AMZ1: variants seen among roughly 807,000 people sequenced by gnomAD.
AMZ1 encodes the protein archaelysin family metallopeptidase 1.
A neutral mutation model predicts 29.9 loss-of-function variants in AMZ1; 39 were observed. The ratio of observed to expected loss-of-function variants is 1.30; its 90% confidence interval spans 1.01 to 1.70. The LOEUF (loss-of-function observed/expected upper bound fraction) is 1.70. AMZ1 is among the 40% of genes most tolerant of loss of function. The pLI is 0.00. For synonymous variants in AMZ1, 458 were observed against 304.0 expected (o/e 1.51, Z -5.27); for missense variants, 1,041 against 680.6 (o/e 1.53, Z -5.89).
At position 2,736,849 on chromosome 7, in the gene AMZ1, C is replaced by G. The variant is rs573627105; in HGVS notation, n.550+27033C>G. 2.6e-5 allele frequency among the ~76,000 whole-genome samples: 4 copies of G among 152,376 alleles called. No homozygotes were observed. The South Asian group carries it at 8.3e-4, about 32-fold the overall frequency. On this transcript the variant is annotated intron_variant and non_coding_transcript_variant, in intron 4 of 4. Transcript: ENST00000489665. ...ACACAGCAAGCTGCCCCTTCACAGA[C>G]CCCTGCTGGCCTCACGCACTTCCTT...
At chr7:2,750,250 G>C (rs890559078) in intron 4 of AMZ1, among the ~76,000 whole-genome samples, 1 of 152,208 alleles carries the variant, frequency 6.6e-6, no homozygotes, top group Admixed American at 6.5e-5. Flanking sequence ...AGACCCATCA[G>C]AGAGCTGAGA....
At chr7:2,738,283 T>TA (rs34320599) in intron 4 of AMZ1, among the ~76,000 whole-genome samples, 1,780 of 142,842 alleles carry the variant, frequency 0.012, 37 homozygotes, top group African/African-American at 0.042. Context: ...AGGCTCCATC[T>TA]AAAAAAAAAA....
At chr7:2,749,142 C>A (rs1208638399) in intron 4 of AMZ1, among the ~76,000 whole-genome samples, 6 of 152,002 alleles carry the variant, frequency 3.9e-5, no homozygotes, top group African/African-American at 1.4e-4. Flanking sequence ...ACCATTGGAC[C>A]CAGCCATCCC....
intron 3 of AMZ1, among the ~76,000 whole-genome samples, chr7:2,705,488 G>A (rs1010682346): frequency 6.6e-6 from 1 of 152,144 alleles, no homozygotes; most frequent in Non-Finnish European, 1.5e-5. Context: ...CATATAGAGG[G>A]CGGCTCTCTA....
At chr7:2,724,750 A>C (rs898237578) in intron 4 of AMZ1, among the ~76,000 whole-genome samples, 11 of 152,214 alleles carry the variant, frequency 7.2e-5, no homozygotes, top group African/African-American at 2.7e-4. Flanking sequence ...TACTACTGTG[A>C]AGTCAGCCAC....
At chr7:2,721,658 G>A (rs1284876019), downstream of AMZ1, among the ~76,000 whole-genome samples, 1 of 151,754 alleles carries the variant, frequency 6.6e-6, no homozygotes, top group Non-Finnish European at 1.5e-5. Flanking sequence ...GGAGGTTGCA[G>A]TGAGCCGAGA....
chr7:2,680,926 A>G (rs1346601545), intron 1 of AMZ1, among the ~76,000 whole-genome samples: 7 of 152,018 alleles, frequency 4.6e-5, no homozygotes, highest in African/African-American at 1.7e-4. Flanking sequence ...TGGCCAAGTC[A>G]CCAGACACCA....
intron 4 of AMZ1, chr7:2,727,976 G>C (rs1347813031): frequency 3.7e-5 from 5 of 135,904 alleles, no homozygotes; most frequent in Non-Finnish European, 7.6e-5. Flanking sequence ...AGAATCGTTT[G>C]AACCCACGAG....
chr7:2,761,826 C>T (rs542672819), upstream of AMZ1, among the ~76,000 whole-genome samples: 149 of 152,342 alleles, frequency 9.8e-4, 1 homozygote, highest in African/African-American at 3.6e-3. Flanking sequence ...CTTTCATACC[C>T]TGGATAGTGC....
chr7:2,736,788 C>T (rs771817057), intron 4 of AMZ1, among the ~76,000 whole-genome samples: 5 of 152,240 alleles, frequency 3.3e-5, no homozygotes, highest in African/African-American at 4.8e-5. Context: ...GTCAGGCAGG[C>T]ACTGCAGCAG....
downstream of AMZ1, among the ~76,000 whole-genome samples, chr7:2,721,625 A>G (rs563089038): frequency 6.6e-6 from 1 of 152,020 alleles, no homozygotes; most frequent in East Asian, 1.9e-4. Context: ...CTGAGGCAGG[A>G]GAATGGTGTG....
rs1217027109 is a variant in AMZ1 at position 2,682,489 on chromosome 7, G to A, written c.-219+2818G>A. Among the ~76,000 whole-genome samples, 8 of 152,200 alleles carry A rather than the reference G, an allele frequency of 5.3e-5. No individual in the cohort carries two copies. The East Asian group carries it at 1.2e-3, about 22-fold the overall frequency. The stretch of plus-strand genomic sequence containing the variant: ...GGGAGGCCTGGGGAAACGGAGGCAC[G>A]GGCACGGAGCCCATGGCAGGGAAGA... On this transcript the variant is annotated intron_variant, in intron 1 of 6. Coordinates refer to the AMZ1 transcript ENST00000312371.
In AMZ1 at chr7:2,731,246, A is replaced by C; in HGVS notation, n.550+21430A>C. ...GTGTCTTTCACAGCATGGAACACGAAGCGGACGTTCTCGGTGTCGATGGCG... is the reference window on the plus strand; with the variant it reads ...GTGTCTTTCACAGCATGGAACACGACGCGGACGTTCTCGGTGTCGATGGCG... On this transcript the variant is annotated intron_variant and non_coding_transcript_variant, in intron 4 of 4. Transcript: ENST00000489665. The surrounding 1 kb of genome is among the most constrained non-coding windows in gnomAD (Gnocchi z 6.0). 1 of 1,613,478 alleles carries C rather than the reference A, an allele frequency of 6.2e-7. No individual in the cohort carries two copies. Among genetic ancestry groups the C allele is most frequent in the Non-Finnish European group, 8.5e-7 (1 of 1,179,846 alleles).
At chr7:2,693,889 C>G (rs1404410001) in intron 1 of AMZ1, among the ~76,000 whole-genome samples, 1 of 152,228 alleles carries the variant, frequency 6.6e-6, no homozygotes, top group Non-Finnish European at 1.5e-5. Flanking sequence ...CTGTCACCTT[C>G]TAACCTACCT....
intron 1 of AMZ1, among the ~76,000 whole-genome samples, chr7:2,695,568 CTG>C (rs146031767): frequency 0.67 from 100,796 of 151,030 alleles, 33,728 homozygotes; most frequent in East Asian, 0.82. Context: ...AAAAAATTGA[CTG>C]GGCGTGTTGG....
chr7:2,690,694 G>C (rs560672126), intron 1 of AMZ1, among the ~76,000 whole-genome samples: 1 of 152,140 alleles, frequency 6.6e-6, no homozygotes, highest in South Asian at 2.1e-4. Flanking sequence ...CTGTGCGTGT[G>C]CTCTGGTCCC....
intron 1 of AMZ1, chr7:2,764,965 G>A (rs1791743566): frequency 6.6e-6 from 1 of 152,120 alleles, no homozygotes; most frequent in Non-Finnish European, 1.5e-5. Flanking sequence ...TTTGTACGGT[G>A]GAAAAGTAAT....
chr7:2,682,690 C>T (rs927577228), intron 1 of AMZ1, among the ~76,000 whole-genome samples: 2 of 152,168 alleles, frequency 1.3e-5, no homozygotes, highest in African/African-American at 2.4e-5. Context: ...TTGGGCCATA[C>T]ACGGCTCCCC....
Position 2,712,617 on chromosome 7 carries a change from C to T in AMZ1, c.1236C>T (p.Ala412=), listed in dbSNP as rs1788865146. 2.5e-6 allele frequency: 4 copies of T among 1,612,904 alleles called. No individual in the cohort carries two copies. Among genetic ancestry groups the T allele is most frequent in the South Asian group, 2.2e-5 (2 of 91,038 alleles). Residue 412 remains alanine, a synonymous_variant, in exon 7 of 7, where the codon GCC becomes GCT. Coordinates refer to ENST00000683327, the MANE Select transcript of AMZ1 (RefSeq NM_001384743.1). Reference sequence around the variant, plus strand: ...TCAAGGAGCATGAACGGTGGCTGGCCATGTGCATCCAGGCCCTGCAGCGGG... The same window carrying T: ...TCAAGGAGCATGAACGGTGGCTGGCTATGTGCATCCAGGCCCTGCAGCGGG... The part of the protein sequence containing the change: ...EAIKEHERWL[A]MCIQALQREV...
Sources: gnomAD v4.1 joint callset for allele counts (sites outside exome capture counted in the v4.1 genomes callset) on GRCh38, gnomAD v4.1.1 for gene constraint, Gnocchi (gnomAD v3.1) non-coding constraint, MANE v1.5 for transcripts, NCBI Gene and HGNC (gene_info 2026-07-23, HGNC 2026-07-21) for gene names.